GPC5: variants seen among roughly 807,000 people sequenced by gnomAD.
GPC5 encodes glypican 5.
GPC5 carries 47 observed loss-of-function variants against 53.9 expected under a neutral mutation model. That is an observed-to-expected ratio of 0.87 (90% confidence interval 0.69 to 1.11). The LOEUF (loss-of-function observed/expected upper bound fraction) is 1.11. Ranked by LOEUF, GPC5 falls within the 50% of genes most tolerant of loss-of-function variation. The pLI, the probability that GPC5 is intolerant of heterozygous loss-of-function variation, is 0.00. For missense variants in GPC5, 748 were observed against 713.1 expected (o/e 1.05, Z -0.56); for synonymous variants, 286 against 263.3 (o/e 1.09, Z -0.84).
intron 2 of GPC5, among the ~76,000 whole-genome samples, chr13:91,675,692 G>A (rs1357167128): frequency 6.6e-6 from 1 of 152,164 alleles, no homozygotes; most frequent in Non-Finnish European, 1.5e-5. Context: ...TGCTCTTAAT[G>A]ATGAATATGT....
chr13:92,027,107 G>T (rs1449819546), intron 6 of GPC5, among the ~76,000 whole-genome samples: 2 of 152,142 alleles, frequency 1.3e-5, no homozygotes, highest in East Asian at 1.9e-4. Flanking sequence ...AATCATAAAA[G>T]ATTCATGTGA....
At chr13:92,024,541 T>G (rs993140914) in intron 6 of GPC5, among the ~76,000 whole-genome samples, 2 of 152,192 alleles carry the variant, frequency 1.3e-5, no homozygotes, top group African/African-American at 4.8e-5. Context: ...TTTCTATTCT[T>G]ATCTCACATT....
chr13:92,425,956 G>A (rs763786830), intron 7 of GPC5, among the ~76,000 whole-genome samples: 17 of 151,940 alleles, frequency 1.1e-4, no homozygotes, highest in Non-Finnish European at 5.9e-5. Flanking sequence ...AGTTGGTGTT[G>A]TTAATAGCTC....
chr13:91,749,577 A>G (rs1378878677), intron 4 of GPC5, among the ~76,000 whole-genome samples: 1 of 152,166 alleles, frequency 6.6e-6, no homozygotes, highest in Admixed American at 6.5e-5. Flanking sequence ...ATTTCCAAAT[A>G]CCAAGTGGGA....
intron 7 of GPC5, among the ~76,000 whole-genome samples, chr13:92,793,573 T>TA (rs999793790): frequency 2.0e-5 from 3 of 151,544 alleles, no homozygotes; most frequent in African/African-American, 4.8e-5. Context: ...AAAAATCCCT[T>TA]AAAAAAACAA....
chr13:92,660,051 A>G (rs1401781855), intron 7 of GPC5, among the ~76,000 whole-genome samples: 1 of 152,170 alleles, frequency 6.6e-6, no homozygotes, highest in Non-Finnish European at 1.5e-5. Context: ...CATTGAAGGA[A>G]TACTAACTAC....
chr13:92,075,557 T>A (rs9589418), intron 6 of GPC5, among the ~76,000 whole-genome samples: 3,168 of 152,306 alleles, frequency 0.021, 119 homozygotes, highest in African/African-American at 0.071. Flanking sequence ...CAAGATAAAT[T>A]CTGAATAAAA....
intron 7 of GPC5, among the ~76,000 whole-genome samples, chr13:92,839,202 A>G (rs1443225318): frequency 1.3e-5 from 2 of 152,210 alleles, no homozygotes; most frequent in Non-Finnish European, 2.9e-5. Context: ...TAAGTCTTAT[A>G]TATGTATTTA....
intron 7 of GPC5, among the ~76,000 whole-genome samples, chr13:92,562,024 C>T (rs1301875109): frequency 6.6e-6 from 1 of 152,024 alleles, no homozygotes; most frequent in Non-Finnish European, 1.5e-5. Flanking sequence ...CCACTTGATA[C>T]AGTAGCTGAT....
At chr13:91,486,925 A>G in intron 2 of GPC5, 1 of 152,244 alleles carries the variant, frequency 6.6e-6, no homozygotes, top group East Asian at 1.9e-4. Context: ...GCTGCCTGGA[A>G]TGATTGTCTG....
intron 5 of GPC5, among the ~76,000 whole-genome samples, chr13:91,806,380 T>C (rs1274246078): frequency 6.6e-6 from 1 of 151,936 alleles, no homozygotes; most frequent in African/African-American, 2.4e-5. Context: ...TTTCATAGAA[T>C]AGCAGAATTT....
chr13:91,935,372 C>T (rs1407747323), intron 6 of GPC5, among the ~76,000 whole-genome samples: 6 of 151,918 alleles, frequency 3.9e-5, no homozygotes, highest in African/African-American at 7.2e-5. Context: ...GCAGAGCCCT[C>T]ATAATTGGAA....
intron 6 of GPC5, among the ~76,000 whole-genome samples, chr13:92,003,844 G>A (rs183091142): frequency 3.3e-5 from 5 of 152,212 alleles, no homozygotes; most frequent in African/African-American, 1.2e-4. Context: ...CAGAATTCAG[G>A]CAGTACAAGT....
intron 2 of GPC5, among the ~76,000 whole-genome samples, chr13:91,683,019 G>T (rs532509234): frequency 1.3e-5 from 2 of 151,638 alleles, no homozygotes; most frequent in South Asian, 2.1e-4. Context: ...TGGAATCTTC[G>T]AATTGTTGCT....
In GPC5 at chr13:92,487,849, A is replaced by G. The variant is rs548900969; in HGVS notation, c.1561+342860A>G. On this transcript the variant is annotated intron_variant, in intron 7 of 7. Coordinates refer to ENST00000377067, the MANE Select transcript of GPC5 (RefSeq NM_004466.6). ...CTATATATAAATATAGTAAAAAAAAAAAAAAAAAAAAGAAAGTAAAACCTA... is the reference window on the plus strand; with the variant it reads ...CTATATATAAATATAGTAAAAAAAAGAAAAAAAAAAAGAAAGTAAAACCTA... 2.5e-3 allele frequency among the ~76,000 whole-genome samples: 339 copies of G among 135,256 alleles called. 1 individual carries two copies. The highest frequency in any genetic ancestry group is 0.01 in the African/African-American group (327 of 31,640). The allele number at this position is 135,256 out of a possible 152,430, so 88.7% of individuals were successfully genotyped here. A position where few individuals can be genotyped will look rare whatever the true frequency, so the allele number is the denominator to read the frequency against.
At chr13:92,849,460 T>G (rs1878718615) in intron 7 of GPC5, among the ~76,000 whole-genome samples, 1 of 152,218 alleles carries the variant, frequency 6.6e-6, no homozygotes, top group African/African-American at 2.4e-5. Context: ...CACAATATTC[T>G]TAGATATTTT....
chr13:91,454,740 T>C (rs1288118797), intron 2 of GPC5, among the ~76,000 whole-genome samples: 1 of 152,092 alleles, frequency 6.6e-6, no homozygotes, highest in African/African-American at 2.4e-5. Context: ...GTAGCTAGTA[T>C]CTGTTAGCAT....
intron 6 of GPC5, among the ~76,000 whole-genome samples, chr13:92,047,432 A>ATT (rs1236374271): frequency 1.1e-5 from 1 of 95,134 alleles, no homozygotes; most frequent in Non-Finnish European, 2.5e-5. Flanking sequence ...TTTTTAAACT[A>ATT]TATATATATA....
chr13:92,255,319 A>G (rs1419453589), intron 7 of GPC5, among the ~76,000 whole-genome samples: 1 of 152,168 alleles, frequency 6.6e-6, no homozygotes, highest in African/African-American at 2.4e-5. Flanking sequence ...AAAGAGCTAA[A>G]CATGCTTTCT....
Sources: gnomAD v4.1 joint callset for allele counts (sites outside exome capture counted in the v4.1 genomes callset) on GRCh38, gnomAD v4.1.1 for gene constraint, MANE v1.5 for transcripts, NCBI Gene and HGNC (gene_info 2026-07-23, HGNC 2026-07-21) for gene names.